The following TNNT3 variants were observed in gnomAD, a reference collection of about 807,000 sequenced individuals.
TNNT3 encodes troponin T, fast skeletal muscle.
In TNNT3, 36 loss-of-function variants were observed where a neutral mutation model predicts 54.2. The ratio of observed to expected loss-of-function variants is 0.66; its 90% CI spans 0.51 to 0.88. TNNT3 has a LOEUF of 0.88. TNNT3 is among the 40% of genes least tolerant of loss of function. The pLI is 0.00. For synonymous variants in TNNT3, 120 were observed against 109.7 expected (o/e 1.09, Z -0.59); for missense variants, 291 against 331.6 (o/e 0.88, Z 0.95).
intron 8 of TNNT3, 42 bp downstream of exon 8, chr11:1,929,870 T>G (rs1432859928): frequency 2.0e-6 from 3 of 1,475,260 alleles, no homozygotes; most frequent in East Asian, 2.5e-5. Context: ...GAGTGTGTTC[T>G]GGGGTGGGGG....
In TNNT3 at chr11:1,929,914, G is replaced by A. The variant is rs989680290; in HGVS notation, c.125+86G>A. The stretch of plus-strand genomic sequence containing the variant: ...TGAGTGTGGGGTCCTGGCAGGCCCA[G>A]TGCCGAGTGTGTTCTGGGGTGGCGG... On this transcript the variant is annotated intron_variant, in intron 8 of 15. Transcript: ENST00000278317. The A allele has an allele frequency of 4.6e-6, 7 of 1,506,892 alleles. No individual in the cohort carries two copies. The African/African-American group carries it at 8.4e-5, about 18-fold the overall frequency. The allele number at this position is 1,506,892 out of a possible 1,614,324, so 93.3% of individuals were successfully genotyped here.
chr11:1,933,190 T>G (rs1241828441), intron 9 of TNNT3, among the ~76,000 whole-genome samples: 1 of 124,668 alleles, frequency 8.0e-6, no homozygotes, highest in Non-Finnish European at 1.6e-5. Flanking sequence ...CATCCACGCA[T>G]CCTCTACCAT....
At position 1,937,006 on chromosome 11, in the gene TNNT3, G is replaced by A. The variant is rs771716631; in HGVS notation, c.722+3G>A. 13 of 1,599,460 alleles carry A rather than the reference G, an allele frequency of 8.1e-6. No homozygotes were observed. The Admixed American group carries it at 2.2e-4, about 27-fold the overall frequency. On this transcript the variant is annotated splice_donor_region_variant and intron_variant, in intron 15 of 15. Coordinates refer to ENST00000278317, the MANE Select transcript of TNNT3 (RefSeq NM_006757.4). ...CGCATTGACCAGGCCCAGAAGCAGT[G>A]AGTAGCCCTGCCGTCCTCGCTCCGC...
chr11:1,929,280 C>A, intron 7 of TNNT3, 137 bp downstream of exon 7: 1 of 1,158,352 alleles, frequency 8.6e-7, no homozygotes, highest in Non-Finnish European at 1.3e-6. Flanking sequence ...GCACGGGGGC[C>A]TCGGAGGGCC....
chr11:1,923,504 A>G (rs776532883), intron 3 of TNNT3, 51 bp from the exon 4 acceptor site: 21 of 1,606,634 alleles, frequency 1.3e-5, no homozygotes, highest in Non-Finnish European at 1.8e-5. Context: ...TCCTCCCTTC[A>G]CGGGCTGCCC....
chr11:1,920,344 G>C (rs1446642048), intron 1 of TNNT3, among the ~76,000 whole-genome samples: 1 of 152,212 alleles, frequency 6.6e-6, no homozygotes. Flanking sequence ...TTGGGGGCCA[G>C]CGTCTGGAGG....
At chr11:1,934,773 C>G (rs1854472090) in intron 13 of TNNT3, 56 bp from the exon 14 acceptor site, 1 of 1,601,320 alleles carries the variant, frequency 6.2e-7, no homozygotes, top group African/African-American at 1.3e-5. Context: ...ACTCCAGGGG[C>G]CTGGCCCTGC....
chr11:1,936,765 A>G (rs978705852), intron 14 of TNNT3, among the ~76,000 whole-genome samples, 198 bp from the exon 15 acceptor site: 1 of 152,196 alleles, frequency 6.6e-6, no homozygotes, highest in Non-Finnish European at 1.5e-5. Flanking sequence ...AAGTCCAGGC[A>G]TGAGCCCAGG....
intron 8 of TNNT3, 137 bp downstream of exon 8, chr11:1,929,965 C>A: frequency 8.2e-7 from 1 of 1,217,000 alleles, no homozygotes; most frequent in Non-Finnish European, 1.2e-6. Context: ...GGGGTCCTGG[C>A]AGGCCCAGCG....
intron 1 of TNNT3, among the ~76,000 whole-genome samples, chr11:1,921,185 T>C (rs1298822212): frequency 6.6e-6 from 1 of 152,190 alleles, no homozygotes; most frequent in Non-Finnish European, 1.5e-5. Context: ...GTCTTGCCTA[T>C]TTCTGGACAC....
intron 9 of TNNT3, 151 bp downstream of exon 9, chr11:1,932,665 G>C: frequency 1.3e-6 from 1 of 747,004 alleles, no homozygotes; most frequent in Non-Finnish European, 2.4e-6. Flanking sequence ...TCCTGGGCCA[G>C]AGGAAACCCC....
intron 1 of TNNT3, 92 bp downstream of exon 1, chr11:1,919,854 G>A (rs778960736): frequency 6.6e-6 from 1 of 152,244 alleles, no homozygotes; most frequent in South Asian, 2.1e-4. Context: ...GACACTCTGG[G>A]GTCCTGGGGC....
At chr11:1,938,002 A>G (rs1855658470) in intron 15 of TNNT3, among the ~76,000 whole-genome samples, 1 of 152,088 alleles carries the variant, frequency 6.6e-6, no homozygotes, top group African/African-American at 2.4e-5. Context: ...ACCCGCACCC[A>G]GCTCCTCCCG....
rs115224834 is a variant in TNNT3 at position 1,924,989 on chromosome 11, C to T, written c.50-110C>T. ...AAGCGAGCCCCAGGCCCTCTTCTCCCGGCCAGCCGGCCTCCTGTCCTTGCG... is the reference window on the plus strand; with the variant it reads ...AAGCGAGCCCCAGGCCCTCTTCTCCTGGCCAGCCGGCCTCCTGTCCTTGCG... On this transcript the variant is annotated intron_variant, in intron 4 of 15. Transcript: ENST00000278317. The T allele has an allele frequency of 3.8e-3, 4,928 of 1,301,290 alleles. 157 individuals are homozygous for T. The African/African-American group carries it at 0.063, about 17-fold the overall frequency. 80.6% of individuals were successfully genotyped at this position (1,301,290 alleles called of 1,614,324 possible). A position where few individuals can be genotyped will look rare whatever the true frequency, so the allele number is the denominator to read the frequency against.
chr11:1,924,944 C>T, intron 4 of TNNT3, 155 bp from the exon 5 acceptor site: 1 of 783,194 alleles, frequency 1.3e-6, no homozygotes, highest in Non-Finnish European at 2.2e-6. Flanking sequence ...CAGGACTGAG[C>T]CCCATCTTTC....
chr11:1,932,573 G>C (rs1003182256), intron 9 of TNNT3, 59 bp downstream of exon 9: 1 of 1,570,916 alleles, frequency 6.4e-7, no homozygotes. Context: ...CAGCTTTTGG[G>C]CTCTAGGCCT....
At chr11:1,926,376 G>A in intron 5 of TNNT3, 3 of 1,523,488 alleles carry the variant, frequency 2.0e-6, no homozygotes, top group East Asian at 2.3e-5. Context: ...GGCCTCGAGT[G>A]GCGACGGGCT....
At chr11:1,929,003 G>A (rs754171039) in intron 6 of TNNT3, 117 bp from the exon 7 acceptor site, 3 of 1,185,580 alleles carry the variant, frequency 2.5e-6, no homozygotes, top group Non-Finnish European at 2.5e-6. Flanking sequence ...GGAGAAGAGA[G>A]TGTCCGAGTG....
chr11:1,923,165 T>G, intron 3 of TNNT3, 104 bp downstream of exon 3: 1 of 1,492,330 alleles, frequency 6.7e-7, no homozygotes. Flanking sequence ...TTGACAGCCC[T>G]ACATCAGCTG....
Sources: gnomAD v4.1 joint callset for allele counts (sites outside exome capture counted in the v4.1 genomes callset) on GRCh38, gnomAD v4.1.1 for gene constraint, MANE v1.5 for transcripts, NCBI Gene and HGNC (gene_info 2026-07-23, HGNC 2026-07-21) for gene names.